ATP13A3: variants seen among roughly 807,000 people sequenced by gnomAD.
ATP13A3 encodes the protein ATPase 13A3, also known as polyamine-transporting ATPase 13A3.
ATP13A3 carries 59 observed loss-of-function variants against 158.1 expected under a neutral mutation model. That is an observed-to-expected ratio of 0.37 (90% confidence interval 0.30 to 0.46). The LOEUF is 0.46. ATP13A3 is among the 20% of genes least tolerant of loss of function. ATP13A3 has a pLI of 1.00. For missense variants in ATP13A3, 1,166 were observed against 1,525.2 expected (o/e 0.76, Z 3.92); for synonymous variants, 491 against 504.3 (o/e 0.97, Z 0.35).
chr3:194,454,634 T>A (rs111966951), intron 8 of ATP13A3, among the ~76,000 whole-genome samples: 2 of 146,200 alleles, frequency 1.4e-5, no homozygotes, highest in African/African-American at 5.0e-5. Flanking sequence ...CAAAACATCC[T>A]GGCTAACACG....
At chr3:194,440,704 A>G (rs763021562) in intron 16 of ATP13A3, among the ~76,000 whole-genome samples, 1 of 152,232 alleles carries the variant, frequency 6.6e-6, no homozygotes, top group Non-Finnish European at 1.5e-5. Flanking sequence ...GGTGGGGGCC[A>G]GAGGAGACCA....
At chr3:194,418,306 A>G (rs1716038906) in intron 31 of ATP13A3, among the ~76,000 whole-genome samples, 2 of 152,308 alleles carry the variant, frequency 1.3e-5, no homozygotes, top group African/African-American at 4.8e-5. Flanking sequence ...AGAAATTAAT[A>G]AATTTGCCAT....
At chr3:194,493,510 G>T (rs1721169120) in intron 2 of ATP13A3, among the ~76,000 whole-genome samples, 1 of 151,940 alleles carries the variant, frequency 6.6e-6, no homozygotes, top group South Asian at 2.1e-4. Context: ...AGCCAGGTGT[G>T]ATGTCAGGCA....
chr3:194,437,304 T>C lies in ATP13A3; in HGVS notation c.1999+7A>G. On this transcript the variant is annotated splice_region_variant and intron_variant, in intron 19 of 33. Transcript: ENST00000645319. ...GAATTGTACCCAAAGCATAGATATT[T>C]CCTTACCTGTTTCAGGTTTACAGAG... 1 of 1,614,218 alleles carries C rather than the reference T, an allele frequency of 6.2e-7. No individual in the cohort carries two copies. Among genetic ancestry groups the C allele is most frequent in the Non-Finnish European group, 8.5e-7 (1 of 1,180,038 alleles).
intron 2 of ATP13A3, among the ~76,000 whole-genome samples, chr3:194,469,664 G>A (rs1428321971): frequency 6.6e-6 from 1 of 152,012 alleles, no homozygotes; most frequent in Non-Finnish European, 1.5e-5. Context: ...TTTTTTTTCT[G>A]AGAATTACAC....
At chr3:194,475,491 T>C (rs2109037403) in intron 2 of ATP13A3, among the ~76,000 whole-genome samples, 1 of 152,330 alleles carries the variant, frequency 6.6e-6, no homozygotes, top group East Asian at 1.9e-4. Flanking sequence ...TTTGGGTTTT[T>C]CTACTTGAGT....
chr3:194,465,351 G>C (rs1308309968), intron 2 of ATP13A3, among the ~76,000 whole-genome samples: 1 of 152,154 alleles, frequency 6.6e-6, no homozygotes, highest in East Asian at 1.9e-4. Flanking sequence ...GACCCACTAA[G>C]AACACGACTG....
Position 194,405,537 on chromosome 3 carries a change from A to T in ATP13A3, c.*382T>A, listed in dbSNP as rs1268497248. On this transcript the variant is annotated 3_prime_UTR_variant, in exon 34 of 34. Coordinates refer to ENST00000645319, the MANE Select transcript of ATP13A3 (RefSeq NM_001367549.1). ...GTATATAAACACAGACTTTTCTAAC[A>T]AGAGGGTTGTGAGCATAAATGTGAA... 5.9e-6 allele frequency: 1 copy of T among 170,894 alleles called. No homozygotes were observed. Among genetic ancestry groups the T allele is most frequent in the East Asian group, 1.7e-4 (1 of 6,002 alleles). 10.6% of individuals were successfully genotyped at this position (170,894 alleles called of 1,614,324 possible). A position where few individuals can be genotyped will look rare whatever the true frequency, so the allele number is the denominator to read the frequency against.
chr3:194,482,098 G>C (rs1323684001), intron 2 of ATP13A3, among the ~76,000 whole-genome samples: 2 of 152,158 alleles, frequency 1.3e-5, no homozygotes. Context: ...CTCAGTGTCA[G>C]ACACTTATTT....
chr3:194,446,923 C>T lies in ATP13A3; in HGVS notation c.1497+4G>A, dbSNP rs1718446334. The T allele has an allele frequency of 1.3e-6, 2 of 1,594,074 alleles. No individual in the cohort carries two copies. The highest frequency in any genetic ancestry group is 2.3e-5 in the East Asian group (1 of 44,402). ...TTTGAAAGTAACTATGAAACTGAAC[C>T]CACCTTGTCAAAGCAAACAAGATTG... is the stretch of plus-strand genomic sequence containing the variant. On this transcript the variant is annotated splice_donor_region_variant and intron_variant, in intron 14 of 33. Coordinates refer to ENST00000645319, the MANE Select transcript of ATP13A3 (RefSeq NM_001367549.1).
intron 3 of ATP13A3, 65 bp downstream of exon 3, chr3:194,462,075 C>T: frequency 6.5e-7 from 1 of 1,529,702 alleles, no homozygotes; most frequent in Non-Finnish European, 9.0e-7. Context: ...TTTCTAGTCC[C>T]TAAAATAATA....
At chr3:194,437,282 T>G (rs774944870) in intron 19 of ATP13A3, 29 bp downstream of exon 19, 2 of 1,613,984 alleles carry the variant, frequency 1.2e-6, no homozygotes, top group African/African-American at 2.7e-5. Context: ...AATACCAGAA[T>G]TGTACCCAAA....
chr3:194,465,805 A>AAC (rs370056574), intron 2 of ATP13A3, among the ~76,000 whole-genome samples: 22,789 of 148,610 alleles, frequency 0.15, 2,784 homozygotes, highest in African/African-American at 0.34. Context: ...CTCTACTAAA[A>AAC]ACACACACAC....
At position 194,428,857 on chromosome 3, in the gene ATP13A3, C is replaced by T. The variant is rs1369358626; in HGVS notation, c.2935G>A (p.Val979Met). ...LFIDLAIILV[V>M]VFTMSLNPAW... is the part of the protein sequence containing the mutation. The stretch of plus-strand genomic sequence containing the variant: ...GCAAAATACTCACTTGTAAATACCA[C>T]TACCAAAATGATTGCCAGATCAATG... The change falls in exon 28 of 34, where the codon GTG becomes ATG. Residue 979 changes from valine to methionine, a missense_variant. Physicochemically the swap from Val to Met is conservative, Grantham distance 21 (BLOSUM62 1). Around this residue, in one of 3 missense-constraint regions of ATP13A3, gnomAD observed 997 missense variants for 1,341.2 expected, o/e 0.74. Transcript: ENST00000645319. 1 of 1,593,426 alleles carries T rather than the reference C, an allele frequency of 6.3e-7. No individual in the cohort carries two copies. The highest frequency in any genetic ancestry group is 1.1e-5 in the South Asian group (1 of 89,888).
At chr3:194,475,244 T>C (rs1720475701) in intron 2 of ATP13A3, among the ~76,000 whole-genome samples, 1 of 152,242 alleles carries the variant, frequency 6.6e-6, no homozygotes, top group African/African-American at 2.4e-5. Flanking sequence ...TTTTCATTAC[T>C]TCTGTATGGT....
intron 33 of ATP13A3, among the ~76,000 whole-genome samples, chr3:194,410,940 GTGTGTGTGT>G (rs1715373101): frequency 1.0e-5 from 1 of 96,898 alleles, no homozygotes; most frequent in African/African-American, 8.4e-5. Flanking sequence ...GTGTTGGGGT[GTGTGTGTGT>G]GTGTGTGTGT....
rs1577039385 is a variant in ATP13A3 at position 194,424,781 on chromosome 3, C to T, written c.3313+561G>A. On this transcript the variant is annotated intron_variant, in intron 30 of 33. Coordinates refer to ENST00000645319, the MANE Select transcript of ATP13A3 (RefSeq NM_001367549.1). Reference sequence around the variant, plus strand: ...TAGACAAGTCCACAAGGGCACAGGCCTCCATTCAGTATACTGGCCCTTTCT... The same window carrying T: ...TAGACAAGTCCACAAGGGCACAGGCTTCCATTCAGTATACTGGCCCTTTCT... Among the ~76,000 whole-genome samples, 8 of 152,220 alleles carry T rather than the reference C, an allele frequency of 5.3e-5. No individual in the cohort carries two copies. The South Asian group carries it at 1.7e-3, about 32-fold the overall frequency.
At chr3:194,432,630 A>C (rs73071117) in intron 21 of ATP13A3, among the ~76,000 whole-genome samples, 2,545 of 152,326 alleles carry the variant, frequency 0.017, 78 homozygotes, top group African/African-American at 0.058. Flanking sequence ...TGTCTTGACA[A>C]AGAAGACGCA....
chr3:194,487,044 G>A (rs1721029252), upstream of ATP13A3: 1 of 151,844 alleles, frequency 6.6e-6, no homozygotes. Flanking sequence ...TCATCCCCGC[G>A]CGGAGGGCGG....
Sources: allele counts gnomAD v4.1 joint callset (sites outside exome capture counted in the v4.1 genomes callset), GRCh38; gene constraint gnomAD v4.1.1; regional missense constraint gnomAD v4.1.1; transcripts MANE v1.5; gene names NCBI Gene and HGNC (gene_info 2026-07-23, HGNC 2026-07-21).